The following UNC45B variants were observed in gnomAD, a reference collection of about 807,000 sequenced individuals.
The protein encoded by UNC45B is protein unc-45 homolog B.
Under a neutral mutation model 98.7 loss-of-function variants are expected in UNC45B, and 78 were observed. The observed-to-expected ratio is 0.79, with a 90% CI of 0.66 to 0.95. The LOEUF is 0.95. UNC45B is among the 40% of genes least tolerant of loss of function. The pLI is 0.00. For synonymous variants in UNC45B, 462 were observed against 480.4 expected (o/e 0.96, Z 0.50); for missense variants, 1,225 against 1,184.9 (o/e 1.03, Z -0.50).
intron 10 of UNC45B, 34 bp downstream of exon 10, chr17:35,168,395 ACAAG>A: frequency 7.6e-7 from 1 of 1,312,902 alleles, no homozygotes; most frequent in South Asian, 3.1e-5. Flanking sequence ...CCTACTCAGT[ACAAG>A]GTGCCATGCC....
intron 12 of UNC45B, among the ~76,000 whole-genome samples, chr17:35,170,918 C>A (rs1456387651): frequency 1.3e-5 from 2 of 151,526 alleles, no homozygotes; most frequent in Non-Finnish European, 2.9e-5. Context: ...AGACTCCTTT[C>A]CTCATCTGCT....
At chr17:35,156,482 C>T (rs574919850) in intron 7 of UNC45B, among the ~76,000 whole-genome samples, 5 of 152,126 alleles carry the variant, frequency 3.3e-5, no homozygotes, top group South Asian at 2.1e-4. Context: ...AAAAAGTAGC[C>T]GGGCATGGTG....
rs138781804 is a variant in UNC45B at position 35,168,062 on chromosome 17, G to A, written c.1153G>A (p.Gly385Ser). Residue 385 changes from glycine (G) to serine (S), a missense_variant and splice_region_variant, in exon 10 of 20, where the codon GGC becomes AGC. Physicochemically the swap from Gly to Ser is moderately conservative, Grantham distance 56. Coordinates refer to ENST00000394570, the MANE Select transcript of UNC45B (RefSeq NM_001267052.2). ...FRKICEEYIT[G>S]KFDPQDMDKN... ...GACCACCCTTGTCCTTTGTTTTAGG[G>A]GCAAGTTTGACCCCCAGGACATGGA... 4.6e-6 allele frequency: 7 copies of A among 1,506,776 alleles called. No homozygotes were observed. The African/African-American group carries it at 9.8e-5, about 21-fold the overall frequency. 93.3% of individuals were successfully genotyped at this position (1,506,776 alleles called of 1,614,324 possible). A position where few individuals can be genotyped will look rare whatever the true frequency, so the allele number is the denominator to read the frequency against.
At position 35,152,876 on chromosome 17, in the gene UNC45B, C is replaced by G. The variant is rs918732306; in HGVS notation, c.382-17C>G. ...GACCCCACCTGCCTCCTTCCCCACT[C>G]CCTCCTCTCTCCTCAGCTCCGAGTG... On this transcript the variant is annotated splice_polypyrimidine_tract_variant and intron_variant, in intron 4 of 19. Coordinates refer to ENST00000394570, the MANE Select transcript of UNC45B (RefSeq NM_001267052.2). 1 of 1,609,928 alleles carries G rather than the reference C, an allele frequency of 6.2e-7. No homozygotes were observed. Among genetic ancestry groups the G allele is most frequent in the Non-Finnish European group, 8.5e-7 (1 of 1,176,230 alleles).
Position 35,187,962 on chromosome 17 carries a change from G to A in UNC45B, c.*1403G>A, listed in dbSNP as rs774112286. On this transcript the variant is annotated 3_prime_UTR_variant, in exon 20 of 20. Coordinates refer to ENST00000394570, the MANE Select transcript of UNC45B (RefSeq NM_001267052.2). ...TGATAAAAACAATTTACAACGTTCC[G>A]TTGTGTAATAAATGTAAGTGTACAT... 9.2e-5 allele frequency: 14 copies of A among 152,184 alleles called. No homozygotes were observed. Among genetic ancestry groups the A allele is most frequent in the East Asian group, 3.8e-4 (2 of 5,202 alleles). The allele number at this position is 152,184 out of a possible 1,614,324, so 9.4% of individuals were successfully genotyped here.
chr17:35,169,960 C>T (rs2092171316), intron 11 of UNC45B, 29 bp downstream of exon 11: 1 of 1,613,508 alleles, frequency 6.2e-7, no homozygotes, highest in Non-Finnish European at 8.5e-7. Context: ...CCAGGCCCTC[C>T]ATCTCCTCAT....
chr17:35,148,306 CGGCATTTCCAGCTCCA>C lies in UNC45B; in HGVS notation c.46_61del (p.His16ThrfsTer13), dbSNP rs1308049413. On this transcript the variant is annotated frameshift_variant, in exon 2 of 20. Transcript: ENST00000394570. LOFTEE classifies it high-confidence loss of function. ...GGTACAGCTGAAGGAGGAAGGAAAC[CGGCATTTCCAGCTCCA>C]GGACTACAAGGCCGCCACAAATAGC... 13 of 1,614,042 alleles carry C rather than the reference CGGCATTTCCAGCTCCA, an allele frequency of 8.1e-6. No homozygotes were observed. Among genetic ancestry groups the C allele is most frequent in the Non-Finnish European group, 1.1e-5 (13 of 1,180,024 alleles).
chr17:35,170,165 G>A lies in UNC45B; in HGVS notation c.1599G>A (p.Glu533=), dbSNP rs778872618. Residue 533 remains glutamate, a synonymous_variant, in exon 12 of 20, where the codon GAG becomes GAA. Coordinates refer to ENST00000394570, the MANE Select transcript of UNC45B (RefSeq NM_001267052.2). Reference sequence around the variant, plus strand: ...CTCGGACCCGACGCTGGGCAGTGGAGGGCCTGGCCTACCTCACGCTGGACG... The same window carrying A: ...CTCGGACCCGACGCTGGGCAGTGGAAGGCCTGGCCTACCTCACGCTGGACG... ...IDTRTRRWAV[E]GLAYLTLDAD... 1 of 1,613,884 alleles carries A rather than the reference G, an allele frequency of 6.2e-7. No individual in the cohort carries two copies. The highest frequency in any genetic ancestry group is 8.5e-7 in the Non-Finnish European group (1 of 1,179,854).
Position 35,169,879 on chromosome 17 carries a change from C to G in UNC45B, c.1495C>G (p.Leu499Val). Residue 499 changes from leucine to valine, a missense_variant, in exon 11 of 20, where the codon CTC becomes GTC. Physicochemically the swap from Leu to Val is conservative, Grantham distance 32 (BLOSUM62 1). Transcript: ENST00000394570. ...CTCTGCAGGTGGCACAGACTACGGT[C>G]TCAGGCAGTTTGCGGAAGGGTCGAC... ...LGSAGGTDYGLRQFAEGSTEK... is the reference protein window; with the variant it reads ...LGSAGGTDYGVRQFAEGSTEK... 1.2e-6 allele frequency: 2 copies of G among 1,614,186 alleles called. No individual in the cohort carries two copies. Among genetic ancestry groups the G allele is most frequent in the Non-Finnish European group, 1.7e-6 (2 of 1,180,032 alleles).
chr17:35,184,563 T>G (rs1176588649), intron 19 of UNC45B, among the ~76,000 whole-genome samples: 1 of 152,204 alleles, frequency 6.6e-6, no homozygotes. Context: ...GAGTGCCAGG[T>G]GTTGCCCTAA....
At chr17:35,170,883 C>A (rs1045055378) in intron 12 of UNC45B, among the ~76,000 whole-genome samples, 1 of 152,040 alleles carries the variant, frequency 6.6e-6, no homozygotes, top group Admixed American at 6.6e-5. Context: ...TTTCTGGGAA[C>A]CTGCCCTCCC....
intron 8 of UNC45B, among the ~76,000 whole-genome samples, chr17:35,163,547 A>G (rs192439114): frequency 1.3e-5 from 2 of 152,344 alleles, no homozygotes; most frequent in Non-Finnish European, 1.5e-5. Flanking sequence ...TTATTGAGTC[A>G]TAGTAGTGTG....
chr17:35,177,144 T>A lies in UNC45B; in HGVS notation c.2139+14T>A. 1 of 1,609,070 alleles carries A rather than the reference T, an allele frequency of 6.2e-7. No individual in the cohort carries two copies. Among genetic ancestry groups the A allele is most frequent in the South Asian group, 1.1e-5 (1 of 90,964 alleles). On this transcript the variant is annotated intron_variant, in intron 16 of 19. Transcript: ENST00000394570. ...CCTGGGGAGCGGGTAGGTGCTTGGGTAGATGGGATAGGGCAATGGGAGGGG... is the reference window on the plus strand; with the variant it reads ...CCTGGGGAGCGGGTAGGTGCTTGGGAAGATGGGATAGGGCAATGGGAGGGG...
chr17:35,174,166 G>A, intron 13 of UNC45B, 76 bp from the exon 14 acceptor site: 1 of 1,589,196 alleles, frequency 6.3e-7, no homozygotes, highest in Non-Finnish European at 8.6e-7. Flanking sequence ...ATTCAGAAAT[G>A]CACCATCTTT....
chr17:35,151,454 T>C (rs965611328), intron 4 of UNC45B, among the ~76,000 whole-genome samples: 1 of 152,108 alleles, frequency 6.6e-6, no homozygotes, highest in African/African-American at 2.4e-5. Context: ...CCTCCCAAAG[T>C]GCTGGGATTA....
chr17:35,174,707 C>T (rs1421499964), intron 14 of UNC45B, among the ~76,000 whole-genome samples: 2 of 152,046 alleles, frequency 1.3e-5, no homozygotes, highest in Non-Finnish European at 2.9e-5. Context: ...GTACTGCCAG[C>T]TACTTGGGAG....
intron 19 of UNC45B, among the ~76,000 whole-genome samples, chr17:35,185,060 T>C (rs377614275): frequency 1.1e-4 from 17 of 152,332 alleles, no homozygotes; most frequent in African/African-American, 4.1e-4. Context: ...GTAGAAACTT[T>C]CCAGCATAGA....
chr17:35,167,456 C>CA (rs931938847), intron 9 of UNC45B, among the ~76,000 whole-genome samples: 2 of 152,090 alleles, frequency 1.3e-5, no homozygotes, highest in African/African-American at 2.4e-5. Context: ...CCCATCTCTA[C>CA]AAAAAAATTT....
Position 35,179,722 on chromosome 17 carries a change from C to T in UNC45B, c.2256-837C>T, listed in dbSNP as rs529896797. On this transcript the variant is annotated intron_variant, in intron 17 of 19. Coordinates refer to ENST00000394570, the MANE Select transcript of UNC45B (RefSeq NM_001267052.2). ...ACAATGAGAACACATGGACACAGGG[C>T]GGGGAACATCACACACCGGGGCCTG... 2.2e-4 allele frequency among the ~76,000 whole-genome samples: 33 copies of T among 147,892 alleles called. No individual in the cohort carries two copies. In the South Asian group the frequency reaches 2.5e-3, roughly 11 times the overall value.
Sources: allele counts gnomAD v4.1 joint callset (sites outside exome capture counted in the v4.1 genomes callset), GRCh38; gene constraint gnomAD v4.1.1; transcripts MANE v1.5; gene names NCBI Gene and HGNC (gene_info 2026-07-23, HGNC 2026-07-21).